Variants in SEMA3C observed in about 807,000 individuals in gnomAD.
SEMA3C encodes the protein semaphorin 3C.
In SEMA3C, 47 loss-of-function variants were observed where a neutral mutation model predicts 89.4. The observed-to-expected ratio is 0.53, with a 90% CI of 0.42 to 0.67. The LOEUF is 0.67. SEMA3C is among the 30% of genes least tolerant of loss of function. The pLI is 0.00. For missense variants in SEMA3C, 839 were observed against 929.1 expected (o/e 0.90, Z 1.26); for synonymous variants, 310 against 320.2 (o/e 0.97, Z 0.34).
intron 8 of SEMA3C, among the ~76,000 whole-genome samples, chr7:80,803,371 C>T (rs1168430680): frequency 2.6e-5 from 4 of 152,092 alleles, no homozygotes; most frequent in Admixed American, 6.6e-5. Context: ...GGCCTTTTAC[C>T]CCTTCTGCTG....
Position 80,765,052 on chromosome 7 carries a change from T to C in SEMA3C, c.1443+103A>G, listed in dbSNP as rs573514301. On this transcript the variant is annotated intron_variant, in intron 13 of 17. Coordinates refer to ENST00000265361, the MANE Select transcript of SEMA3C (RefSeq NM_006379.5). ...CCCTCAAAAATTCATAACATTCATT[T>C]ATTTGATCTTTTATCAAATATAGTT... The C allele has an allele frequency of 2.3e-5, 16 of 703,120 alleles. No homozygotes were observed. In the African/African-American group the frequency reaches 2.9e-4, roughly 13 times the overall value. The allele number at this position is 703,120 out of a possible 1,614,324, so 43.6% of individuals were successfully genotyped here. A position where few individuals can be genotyped will look rare whatever the true frequency, so the allele number is the denominator to read the frequency against.
At chr7:80,765,115 A>G in intron 13 of SEMA3C, 40 bp downstream of exon 13, 1 of 1,345,704 alleles carries the variant, frequency 7.4e-7, no homozygotes, top group South Asian at 1.2e-5. Context: ...AATTCCACTC[A>G]TCATGCATGT....
intron 11 of SEMA3C, among the ~76,000 whole-genome samples, chr7:80,793,922 A>C (rs1789002448): frequency 6.6e-6 from 1 of 151,374 alleles, no homozygotes; most frequent in African/African-American, 2.4e-5. Context: ...GGCACTCTAG[A>C]ATCTATGCTT....
intron 17 of SEMA3C, 90 bp from the exon 18 acceptor site, chr7:80,745,397 C>A: frequency 7.6e-7 from 1 of 1,311,698 alleles, no homozygotes; most frequent in Admixed American, 2.3e-5. Context: ...TCAACTTTCA[C>A]AGATTTGGGA....
At chr7:80,752,614 CA>C (rs10660428) in intron 15 of SEMA3C, among the ~76,000 whole-genome samples, 7,848 of 111,242 alleles carry the variant, frequency 0.071, 190 homozygotes, top group Middle Eastern at 0.11. Flanking sequence ...GACTCCATCT[CA>C]AAAAAAAAAA....
chr7:80,758,358 C>G lies in SEMA3C; in HGVS notation c.1616G>C (p.Cys539Ser), dbSNP rs1406691831. ...TTTCCCAGTTGGGTAGAATCTGGAACAGGAATGGCCATCCCAGGCGCAATA... is the reference window on the plus strand; with the variant it reads ...TTTCCCAGTTGGGTAGAATCTGGAAGAGGAATGGCCATCCCAGGCGCAATA... ...DPYCAWDGHS[C>S]SRFYPTGKRR... Residue 539 changes from cysteine (C) to serine (S), a missense_variant, in exon 15 of 18, where the codon TGT becomes TCT. By Grantham distance (112) the Cys-to-Ser change is moderately radical (BLOSUM62 -1). Coordinates refer to ENST00000265361, the MANE Select transcript of SEMA3C (RefSeq NM_006379.5). 2 of 1,613,682 alleles carry G rather than the reference C, an allele frequency of 1.2e-6. No individual in the cohort carries two copies.
Position 80,775,774 on chromosome 7 carries a change from A to T in SEMA3C, c.1355-10531T>A, listed in dbSNP as rs145959077. Among the ~76,000 whole-genome samples, 36 of 152,208 alleles carry T rather than the reference A, an allele frequency of 2.4e-4. 1 individual carries two copies. The East Asian group carries it at 6.6e-3, about 28-fold the overall frequency. Reference sequence around the variant, plus strand: ...GGTGTGGTCCAAGGTTCTGCAAGTCATTTTACCTAATATATATGAATACAT... The same window carrying T: ...GGTGTGGTCCAAGGTTCTGCAAGTCTTTTTACCTAATATATATGAATACAT... On this transcript the variant is annotated intron_variant, in intron 12 of 17. Coordinates refer to ENST00000265361, the MANE Select transcript of SEMA3C (RefSeq NM_006379.5).
In SEMA3C at chr7:80,758,714, C is replaced by T. The variant is rs191870003; in HGVS notation, c.1486-226G>A. On this transcript the variant is annotated intron_variant, in intron 14 of 17. Transcript: ENST00000265361. Reference sequence around the variant, plus strand: ...TCTGTTAAAAAAGAAAAGCTCAAAGCACCATATAGAATGGTAATGTGTTTT... The same window carrying T: ...TCTGTTAAAAAAGAAAAGCTCAAAGTACCATATAGAATGGTAATGTGTTTT... 2.6e-3 allele frequency among the ~76,000 whole-genome samples: 389 copies of T among 152,288 alleles called. 1 individual carries two copies. Among genetic ancestry groups the T allele is most frequent in the African/African-American group, 9.0e-3 (374 of 41,562 alleles).
In SEMA3C at chr7:80,758,365, G is replaced by A. The variant is rs557485773; in HGVS notation, c.1609C>T (p.His537Tyr). Residue 537 changes from histidine to tyrosine, a missense_variant, in exon 15 of 18, where the codon CAT becomes TAT. By Grantham distance (83) the His-to-Tyr change is moderately conservative (BLOSUM62 2). Coordinates refer to ENST00000265361, the MANE Select transcript of SEMA3C (RefSeq NM_006379.5). ...GTTGGGTAGAATCTGGAACAGGAAT[G>A]GCCATCCCAGGCGCAATAAGGGTCC... is the stretch of plus-strand genomic sequence containing the variant. ...ARDPYCAWDG[H>Y]SCSRFYPTGK... 3 of 1,613,922 alleles carry A rather than the reference G, an allele frequency of 1.9e-6. No homozygotes were observed. The South Asian group carries it at 3.3e-5, about 18-fold the overall frequency.
At chr7:80,783,307 C>A (rs1213536823) in intron 12 of SEMA3C, among the ~76,000 whole-genome samples, 2 of 152,036 alleles carry the variant, frequency 1.3e-5, no homozygotes, top group East Asian at 3.9e-4. Context: ...TACTCTTCTA[C>A]ATGATCAAGT....
At chr7:80,862,434 A>G (rs1233416831) in intron 2 of SEMA3C, among the ~76,000 whole-genome samples, 1 of 152,230 alleles carries the variant, frequency 6.6e-6, no homozygotes, top group Non-Finnish European at 1.5e-5. Flanking sequence ...GCTCAAAGAA[A>G]TCACAGACAA....
chr7:80,827,393 T>TTTTG, intron 4 of SEMA3C, 32 bp downstream of exon 4: 1 of 113,066 alleles, frequency 8.8e-6, no homozygotes, highest in Non-Finnish European at 1.2e-5. Context: ...TAAGTTAGTG[T>TTTTG]TTTTTTTTTT....
chr7:80,825,135 G>A (rs1406172828), intron 4 of SEMA3C, among the ~76,000 whole-genome samples: 1 of 152,062 alleles, frequency 6.6e-6, no homozygotes, highest in African/African-American at 2.4e-5. Context: ...AGGTTGTTCT[G>A]TACAACTTTC....
chr7:80,866,734 A>T (rs1366224678), intron 2 of SEMA3C, among the ~76,000 whole-genome samples: 1 of 152,230 alleles, frequency 6.6e-6, no homozygotes, highest in Non-Finnish European at 1.5e-5. Flanking sequence ...TTTTAAAAAA[A>T]TCATTCAACA....
At chr7:80,801,273 C>T (rs1021597497) in intron 9 of SEMA3C, among the ~76,000 whole-genome samples, 1 of 151,968 alleles carries the variant, frequency 6.6e-6, no homozygotes, top group Non-Finnish European at 1.5e-5. Flanking sequence ...ATCTCAATTT[C>T]TTTTTGATCT....
At chr7:80,849,508 G>A (rs926062298) in intron 2 of SEMA3C, among the ~76,000 whole-genome samples, 7 of 152,052 alleles carry the variant, frequency 4.6e-5, no homozygotes, top group Middle Eastern at 3.4e-3. Context: ...TCTTAAAGAC[G>A]GGCATTAATG....
chr7:80,865,096 A>C (rs1399722910), intron 2 of SEMA3C, among the ~76,000 whole-genome samples: 1 of 152,192 alleles, frequency 6.6e-6, no homozygotes, highest in African/African-American at 2.4e-5. Flanking sequence ...ACTCTGGTGC[A>C]GTATTAATTT....
intron 2 of SEMA3C, among the ~76,000 whole-genome samples, chr7:80,864,483 G>C (rs1017346218): frequency 6.6e-5 from 10 of 151,826 alleles, no homozygotes; most frequent in African/African-American, 2.4e-4. Flanking sequence ...CTTAACACAA[G>C]GGTTATTATG....
At chr7:80,754,249 T>C (rs1041801084) in intron 15 of SEMA3C, among the ~76,000 whole-genome samples, 3 of 146,972 alleles carry the variant, frequency 2.0e-5, no homozygotes, top group African/African-American at 5.0e-5. Flanking sequence ...TTTACTATAG[T>C]TTTTTTTAAA....
Sources: gnomAD v4.1 joint callset for allele counts (sites outside exome capture counted in the v4.1 genomes callset) on GRCh38, gnomAD v4.1.1 for gene constraint, MANE v1.5 for transcripts, NCBI Gene and HGNC (gene_info 2026-07-23, HGNC 2026-07-21) for gene names.